The following NBPF12 variants were observed in gnomAD, a reference collection of about 807,000 sequenced individuals.
NBPF12 encodes NBPF family member NBPF12.
NBPF12 carries 115 observed loss-of-function variants against 146.4 expected under a neutral mutation model. The observed-to-expected ratio is 0.79, with a 90% CI of 0.68 to 0.92. The LOEUF is 0.92. Among genes scored for constraint, NBPF12 ranks in the 40% least tolerant of loss-of-function variants. The probability of loss-of-function intolerance (pLI) is 0.00; values close to 1 mark genes in which losing one functional copy is unlikely to be tolerated. For synonymous variants in NBPF12, 385 were observed against 508.9 expected (o/e 0.76, Z 3.28); for missense variants, 1,205 against 1,326.8 (o/e 0.91, Z 1.43).
chr1:146,944,878 T>C, upstream of NBPF12, among the ~76,000 whole-genome samples: 2 of 134,986 alleles, frequency 1.5e-5, no homozygotes, highest in African/African-American at 5.7e-5. Flanking sequence ...CTCCTTCCCT[T>C]CCACCCTCCC....
At chr1:146,960,596 G>A (rs1402444029) in intron 4 of NBPF12, among the ~76,000 whole-genome samples, 4 of 151,978 alleles carry the variant, frequency 2.6e-5, no homozygotes, top group Non-Finnish European at 5.9e-5. Flanking sequence ...TCTCCAAGAG[G>A]CTCAATCGTG....
chr1:146,949,149 C>T (rs879190007), upstream of NBPF12, among the ~76,000 whole-genome samples: 119 of 115,944 alleles, frequency 1.0e-3, 1 homozygote, highest in African/African-American at 3.1e-3. Context: ...ATGGGTCCTC[C>T]GGCATGGGTC....
chr1:146,969,205 G>A (rs1409010529), intron 10 of NBPF12, among the ~76,000 whole-genome samples, 177 bp from the exon 14 acceptor site: 5 of 151,222 alleles, frequency 3.3e-5, no homozygotes, highest in South Asian at 2.1e-4. Flanking sequence ...TGATACAGAG[G>A]AAGCCTGTAA....
chr1:146,976,242 T>C (rs1239904027), intron 16 of NBPF12, among the ~76,000 whole-genome samples: 4 of 151,950 alleles, frequency 2.6e-5, no homozygotes, highest in African/African-American at 7.3e-5. Flanking sequence ...TTTTCGGCAA[T>C]GTTCTTAGTA....
At chr1:146,974,108 CAG>C (rs1656836750) in intron 14 of NBPF12, among the ~76,000 whole-genome samples, 1 of 150,262 alleles carries the variant, frequency 6.7e-6, no homozygotes, top group Admixed American at 6.6e-5. Context: ...TTTATTGGCA[CAG>C]AGTAAACACT....
rs1438005906 is a variant in NBPF12 at position 146,994,507 on chromosome 1, A to AG, written c.4307dup (p.Ser1436ArgfsTer28). On this transcript the variant is annotated frameshift_variant, in exon 34 of 34. Coordinates refer to ENST00000617844, the Ensembl canonical transcript of NBPF12. LOFTEE classifies it high-confidence loss of function. ...CACCTTTGCCCTTGACATGGACAAT[A>AG]GCTTTTTTACTTTGACGGTGACAAG... The AG allele has an allele frequency of 6.2e-7, 1 of 1,609,018 alleles. No homozygotes were observed. The highest frequency in any genetic ancestry group is 1.4e-5 in the African/African-American group (1 of 73,260).
intron 1 of NBPF12, among the ~76,000 whole-genome samples, chr1:146,942,915 A>C (rs1654870533): frequency 7.0e-6 from 1 of 142,332 alleles, no homozygotes; most frequent in Non-Finnish European, 1.5e-5. Context: ...GGCTACTCAA[A>C]TATTTAGTCA....
chr1:146,941,340 C>T (rs1425120976), intron 1 of NBPF12, among the ~76,000 whole-genome samples: 48 of 152,078 alleles, frequency 3.2e-4, no homozygotes, highest in Admixed American at 1.3e-3. Flanking sequence ...CTGCCTCGGC[C>T]TCCCAAAGTG....
intron 14 of NBPF12, among the ~76,000 whole-genome samples, chr1:146,973,466 C>T (rs1656788529): frequency 6.6e-6 from 1 of 150,586 alleles, no homozygotes; most frequent in African/African-American, 2.5e-5. Context: ...CTAATAGAAC[C>T]TGTGCTATCT....
chr1:146,954,969 A>AAT (rs1171967177), intron 2 of NBPF12, among the ~76,000 whole-genome samples: 1,074 of 53,292 alleles, frequency 0.02, 14 homozygotes, highest in Middle Eastern at 0.047. Flanking sequence ...CCAAATAGGG[A>AAT]ATATATATAT....
intron 2 of NBPF12, among the ~76,000 whole-genome samples, 159 bp downstream of exon 5, chr1:146,951,648 C>G (rs1279583268): frequency 6.6e-6 from 1 of 150,414 alleles, no homozygotes; most frequent in East Asian, 1.9e-4. Context: ...CAACAATTTT[C>G]TAAACATTCT....
intron 19 of NBPF12, among the ~76,000 whole-genome samples, chr1:146,980,697 TCAA>T (rs1256684972): frequency 1.3e-5 from 2 of 151,608 alleles, no homozygotes; most frequent in Non-Finnish European, 2.9e-5. Context: ...GTAAACTAGT[TCAA>T]CGATTGTGGA....
intron 4 of NBPF12, among the ~76,000 whole-genome samples, chr1:146,960,802 A>G (rs1360134684): frequency 1.6e-4 from 24 of 152,018 alleles, no homozygotes; most frequent in Non-Finnish European, 2.8e-4. Context: ...GGGCTTCAAG[A>G]GGAGTCTGCT....
Position 146,960,236 on chromosome 1 carries a change from C to G in NBPF12, c.93C>G (p.Asn31Lys), listed in dbSNP as rs1399908914. The change falls in exon 4 of 34, where the codon AAC (asparagine) becomes AAG (lysine). Residue 31 changes from asparagine (N) to lysine (K), a missense_variant. Asn to Lys is a moderately conservative substitution (Grantham distance 94, BLOSUM62 0). This residue lies in a region of NBPF12 where 138 missense variants were observed against 101.7 expected (regional missense o/e 1.36). Coordinates refer to ENST00000617844, the Ensembl canonical transcript of NBPF12. The stretch of plus-strand genomic sequence containing the variant: ...AATTGCGCCCCCAGTTGGCAGAGAA[C>G]AAACAGCAGTTCAGAAACCTCAAAG... 52 of 1,335,572 alleles carry G rather than the reference C, an allele frequency of 3.9e-5. 1 individual carries two copies. Among genetic ancestry groups the G allele is most frequent in the East Asian group, 2.3e-4 (10 of 43,206 alleles). 82.7% of individuals were successfully genotyped at this position (1,335,572 alleles called of 1,614,324 possible). A position where few individuals can be genotyped will look rare whatever the true frequency, so the allele number is the denominator to read the frequency against.
chr1:146,992,807 C>G, exon 32 of NBPF12: 1 of 688,774 alleles, frequency 1.5e-6, no homozygotes, highest in Non-Finnish European at 2.6e-6. Context: ...CTTGAACAGC[C>G]TGACTCCTGC....
At chr1:146,955,953 C>T (rs1413167479) in intron 2 of NBPF12, among the ~76,000 whole-genome samples, 2 of 150,716 alleles carry the variant, frequency 1.3e-5, no homozygotes, top group Non-Finnish European at 2.9e-5. Flanking sequence ...GCTTTTGTTA[C>T]ATTCCAGCCT....
At chr1:146,964,230 A>T in intron 6 of NBPF12, 127 bp from the exon 10 acceptor site, 1 of 1,448,108 alleles carries the variant, frequency 6.9e-7, no homozygotes, top group Non-Finnish European at 9.6e-7. Context: ...TGTGAAGGAT[A>T]AAACATGAGA....
exon 34 of NBPF12, chr1:146,994,689 G>T (rs587602355): frequency 7.9e-6 from 12 of 1,516,598 alleles, no homozygotes; most frequent in African/African-American, 7.1e-5. Flanking sequence ...ATGGGTCAGT[G>T]GGCATGGCTC....
chr1:146,963,282 C>A, exon 6 of NBPF12: 4 of 1,612,056 alleles, frequency 2.5e-6, no homozygotes, highest in Non-Finnish European at 3.4e-6. Context: ...TAGACTGGCA[C>A]AGCAACTTGT....
Sources: gnomAD v4.1 joint callset for allele counts (sites outside exome capture counted in the v4.1 genomes callset) on GRCh38, gnomAD v4.1.1 for gene constraint, gnomAD v4.1.1 regional missense constraint, MANE v1.5 for transcripts, NCBI Gene and HGNC (gene_info 2026-07-23, HGNC 2026-07-21) for gene names.